Variants in PLCB1 observed in about 807,000 individuals in gnomAD.
PLCB1 encodes the protein 1-phosphatidylinositol 4,5-bisphosphate phosphodiesterase beta-1.
A neutral mutation model predicts 161.8 loss-of-function variants in PLCB1; 46 were observed. That is an observed-to-expected ratio of 0.28 (90% CI 0.22 to 0.36). PLCB1 has a LOEUF of 0.36. Ranked by LOEUF, PLCB1 falls within the 10% of genes least tolerant of loss-of-function variation. PLCB1 has a pLI of 1.00. For missense variants in PLCB1, 1,016 were observed against 1,472.5 expected, an observed-to-expected ratio of 0.69 and a Z score of 5.07; for synonymous variants, 517 against 503.7, an observed-to-expected ratio of 1.03 and a Z score of -0.35.
intron 3 of PLCB1, among the ~76,000 whole-genome samples, chr20:8,389,319 A>T (rs1029366012): frequency 6.6e-6 from 1 of 152,236 alleles, no homozygotes; most frequent in Non-Finnish European, 1.5e-5. Context: ...TATGTCATTT[A>T]TAATGGCCAG....
intron 3 of PLCB1, among the ~76,000 whole-genome samples, chr20:8,438,858 G>A (rs1980423622): frequency 6.6e-6 from 1 of 152,198 alleles, no homozygotes; most frequent in African/African-American, 2.4e-5. Context: ...CTGGCCCCAA[G>A]ACGATGCAAG....
intron 31 of PLCB1, among the ~76,000 whole-genome samples, chr20:8,838,742 A>G (rs1986385893): frequency 1.3e-5 from 1 of 75,840 alleles, no homozygotes; most frequent in Non-Finnish European, 2.8e-5. Flanking sequence ...CTATACTCCC[A>G]TTCAACTTAC....
intron 2 of PLCB1, among the ~76,000 whole-genome samples, chr20:8,278,145 C>G (rs1290522218): frequency 6.7e-6 from 1 of 149,582 alleles, no homozygotes; most frequent in African/African-American, 2.5e-5. Context: ...TAGAGCATAT[C>G]CCCTTATACT....
chr20:8,366,129 T>G (rs1388980892), intron 2 of PLCB1, among the ~76,000 whole-genome samples: 1 of 152,052 alleles, frequency 6.6e-6, no homozygotes, highest in Non-Finnish European at 1.5e-5. Flanking sequence ...CCAAAACCCA[T>G]TAATTAGTAA....
chr20:8,613,776 T>C (rs569614903), intron 3 of PLCB1, among the ~76,000 whole-genome samples: 19 of 152,182 alleles, frequency 1.2e-4, no homozygotes, highest in African/African-American at 4.3e-4. Context: ...TTCCTGTAAA[T>C]TGAATATTTT....
chr20:8,206,486 C>T (rs1004029345), intron 2 of PLCB1, among the ~76,000 whole-genome samples: 1 of 152,088 alleles, frequency 6.6e-6, no homozygotes, highest in Admixed American at 6.5e-5. Flanking sequence ...AGGAAATATG[C>T]CCTCACTCTG....
chr20:8,860,673 G>A (rs6140777), intron 31 of PLCB1, among the ~76,000 whole-genome samples: 2 of 152,316 alleles, frequency 1.3e-5, no homozygotes, highest in African/African-American at 4.8e-5. Flanking sequence ...GGCTGAATCA[G>A]GAGAGACATC....
intron 3 of PLCB1, among the ~76,000 whole-genome samples, chr20:8,512,072 G>T (rs1200388950): frequency 1.3e-5 from 2 of 152,202 alleles, no homozygotes; most frequent in East Asian, 3.9e-4. Flanking sequence ...CAAAGTTTCA[G>T]TCATTATGAT....
At chr20:8,756,471 A>G (rs902209381) in intron 23 of PLCB1, among the ~76,000 whole-genome samples, 3 of 152,116 alleles carry the variant, frequency 2.0e-5, no homozygotes, top group Non-Finnish European at 2.9e-5. Context: ...AACATCAACT[A>G]GTTATTATTT....
chr20:8,808,904 A>G (rs1984672832), intron 31 of PLCB1, among the ~76,000 whole-genome samples: 1 of 152,244 alleles, frequency 6.6e-6, no homozygotes, highest in African/African-American at 2.4e-5. Context: ...ATTAAATTAT[A>G]TAAACTTTCA....
intron 25 of PLCB1, among the ~76,000 whole-genome samples, chr20:8,763,843 ATCACAT>A (rs1410949617): frequency 6.6e-6 from 1 of 151,996 alleles, no homozygotes; most frequent in Non-Finnish European, 1.5e-5. Context: ...GTCAGACTCT[ATCACAT>A]TCAAAGTTTT....
intron 2 of PLCB1, among the ~76,000 whole-genome samples, chr20:8,176,624 A>G (rs2123079455): frequency 6.6e-6 from 1 of 152,286 alleles, no homozygotes; most frequent in Non-Finnish European, 1.5e-5. Flanking sequence ...TTAAATACAC[A>G]CACATGCACA....
At chr20:8,434,140 AG>A (rs1244932339) in intron 3 of PLCB1, among the ~76,000 whole-genome samples, 1 of 152,212 alleles carries the variant, frequency 6.6e-6, no homozygotes. Flanking sequence ...TGAATGAGGC[AG>A]GAAGATAGTT....
At chr20:8,137,174 C>T (rs568219286) in intron 1 of PLCB1, among the ~76,000 whole-genome samples, 3 of 152,184 alleles carry the variant, frequency 2.0e-5, no homozygotes, top group Admixed American at 6.5e-5. Context: ...GCACACTTCC[C>T]AGCATCCTAC....
At chr20:8,402,821 G>A (rs551563741) in intron 3 of PLCB1, among the ~76,000 whole-genome samples, 1 of 151,696 alleles carries the variant, frequency 6.6e-6, no homozygotes, top group African/African-American at 2.4e-5. Flanking sequence ...CTCCAGCCTG[G>A]GCAACAGAGC....
chr20:8,721,809 C>A (rs1466476343), intron 14 of PLCB1, among the ~76,000 whole-genome samples: 1 of 152,170 alleles, frequency 6.6e-6, no homozygotes, highest in Non-Finnish European at 1.5e-5. Flanking sequence ...TGCCCCAGCT[C>A]CTAACTTCTT....
At chr20:8,476,039 C>T (rs554398576) in intron 3 of PLCB1, among the ~76,000 whole-genome samples, 1 of 152,294 alleles carries the variant, frequency 6.6e-6, no homozygotes, top group Admixed American at 6.5e-5. Flanking sequence ...GATGTCATTG[C>T]TCTGTGCTCT....
rs767691657 is a variant in PLCB1 at position 8,249,253 on chromosome 20, C to T, written c.177+98882C>T. Among the ~76,000 whole-genome samples, 11 of 151,834 alleles carry T rather than the reference C, an allele frequency of 7.2e-5. No individual in the cohort carries two copies. In the South Asian group the frequency reaches 2.3e-3, roughly 32 times the overall value. ...CCAAAACGCTGTTAGTGGTCTTTGA[C>T]GTCTTTAAAAAGGCATTTATATTTG... On this transcript the variant is annotated intron_variant, in intron 2 of 31. Transcript: ENST00000338037.
At chr20:8,460,826 T>G (rs1432758763) in intron 3 of PLCB1, among the ~76,000 whole-genome samples, 1 of 152,144 alleles carries the variant, frequency 6.6e-6, no homozygotes, top group Non-Finnish European at 1.5e-5. Context: ...CCATTCTGAT[T>G]CTGTAGGCTG....
Sources: gnomAD v4.1 joint callset for allele counts (sites outside exome capture counted in the v4.1 genomes callset) on GRCh38, gnomAD v4.1.1 for gene constraint, MANE v1.5 for transcripts, NCBI Gene and HGNC (gene_info 2026-07-23, HGNC 2026-07-21) for gene names.